ARMC2: variants seen among roughly 807,000 people sequenced by gnomAD.
The protein encoded by ARMC2 is armadillo repeat-containing protein 2.
In ARMC2, 67 loss-of-function variants were observed where a neutral mutation model predicts 90.3. The observed-to-expected ratio is 0.74, with a 90% confidence interval of 0.61 to 0.91. The LOEUF is 0.91. ARMC2 is among the 40% of genes least tolerant of loss of function. The pLI, the probability that ARMC2 is intolerant of heterozygous loss-of-function variation, is 0.00. For synonymous variants in ARMC2, 393 were observed against 393.0 expected (o/e 1.00, Z 0.00); for missense variants, 920 against 1,030.9 (o/e 0.89, Z 1.47).
the ARMC2 span, among the ~76,000 whole-genome samples, chr6:108,981,765 T>A: frequency 6.6e-6 from 1 of 152,038 alleles, no homozygotes; most frequent in Non-Finnish European, 1.5e-5. Flanking sequence ...CTTCCCGGGT[T>A]CAAGTGATTC....
At chr6:109,004,553 C>G in the ARMC2 span, among the ~76,000 whole-genome samples, 2 of 151,768 alleles carry the variant, frequency 1.3e-5, no homozygotes, top group Non-Finnish European at 2.9e-5. Context: ...TCTCCTGTCT[C>G]CCGAGTAGCT....
intron 3 of ARMC2, 145 bp downstream of exon 3, chr6:108,858,416 C>A (rs1774876440): frequency 2.1e-6 from 1 of 477,066 alleles, no homozygotes; most frequent in East Asian, 3.4e-5. Flanking sequence ...AAAACAGATT[C>A]TTTTATATTG....
chr6:108,884,823 G>A (rs1314646803), intron 5 of ARMC2, among the ~76,000 whole-genome samples: 5 of 152,202 alleles, frequency 3.3e-5, no homozygotes, highest in Admixed American at 3.3e-4. Context: ...TGGGACAAAG[G>A]AAGCCATTGG....
chr6:109,001,247 A>G, the ARMC2 span: 2 of 1,561,480 alleles, frequency 1.3e-6, no homozygotes, highest in Non-Finnish European at 1.8e-6. Flanking sequence ...AGAGATTAAT[A>G]AAAATAGGCA....
intron 10 of ARMC2, among the ~76,000 whole-genome samples, chr6:108,920,478 T>C (rs564813309): frequency 6.6e-6 from 1 of 152,240 alleles, no homozygotes; most frequent in South Asian, 2.1e-4. Context: ...GAGTAGGCAT[T>C]TGGGGCCCAG....
At chr6:109,031,961 A>T in the ARMC2 span, among the ~76,000 whole-genome samples, 4 of 152,308 alleles carry the variant, frequency 2.6e-5, no homozygotes, top group South Asian at 4.1e-4. Context: ...CCTTATACAC[A>T]TATCTTGAAG....
At chr6:108,963,570 AC>A (rs540931273) in intron 15 of ARMC2, among the ~76,000 whole-genome samples, 125 of 152,262 alleles carry the variant, frequency 8.2e-4, no homozygotes, top group Middle Eastern at 3.4e-3. Context: ...CTCTTCCCCA[AC>A]CCTTTGCTCA....
chr6:108,916,690 A>G (rs919834357), intron 10 of ARMC2, among the ~76,000 whole-genome samples: 1 of 152,172 alleles, frequency 6.6e-6, no homozygotes, highest in East Asian at 1.9e-4. Context: ...CACAGATGGA[A>G]AGAGGGACTT....
At chr6:108,968,327 A>G (rs1778517244) in intron 17 of ARMC2, among the ~76,000 whole-genome samples, 1 of 152,248 alleles carries the variant, frequency 6.6e-6, no homozygotes, top group South Asian at 2.1e-4. Context: ...CCGAAAACAA[A>G]CAACTAGCCT....
the ARMC2 span, chr6:108,988,684 A>G: frequency 2.2e-5 from 35 of 1,600,682 alleles, no homozygotes; most frequent in African/African-American, 2.7e-5. Flanking sequence ...CATAATCATC[A>G]TATCTGTTGA....
chr6:108,972,774 C>T (rs1778845533), intron 17 of ARMC2, among the ~76,000 whole-genome samples: 1 of 152,026 alleles, frequency 6.6e-6, no homozygotes, highest in African/African-American at 2.4e-5. Flanking sequence ...AGTGATTCTC[C>T]TGACCTCAGC....
the ARMC2 span, chr6:109,009,566 G>GGCGGCGCCGACAAACAAGCCGC: frequency 7.2e-6 from 8 of 1,108,884 alleles, no homozygotes; most frequent in Non-Finnish European, 8.8e-6. Flanking sequence ...GGGGGGGCGG[G>GGCGGCGCCGACAAACAAGCCGC]GCGGCGCCGA....
At chr6:108,994,589 C>T in the ARMC2 span, 1 of 1,611,942 alleles carries the variant, frequency 6.2e-7, no homozygotes, top group Non-Finnish European at 8.5e-7. Context: ...GGGCTTCAAC[C>T]TCAAAGAAAG....
At chr6:108,948,409 T>C (rs1230879400) in intron 12 of ARMC2, among the ~76,000 whole-genome samples, 2 of 151,894 alleles carry the variant, frequency 1.3e-5, no homozygotes, top group African/African-American at 2.4e-5. Context: ...CCTAGGTCCA[T>C]GTAGAATATA....
chr6:108,878,650 A>G (rs943369664), intron 5 of ARMC2, among the ~76,000 whole-genome samples: 6 of 152,358 alleles, frequency 3.9e-5, no homozygotes, highest in Admixed American at 2.0e-4. Context: ...ATCATTGTAA[A>G]CAATGCTTTA....
At chr6:108,984,943 C>T in the ARMC2 span, among the ~76,000 whole-genome samples, 2 of 152,248 alleles carry the variant, frequency 1.3e-5, no homozygotes, top group African/African-American at 4.8e-5. Context: ...TATTCTGGCC[C>T]ATATATTGTT....
rs766634707 is a variant in ARMC2, at chr6:108,928,102, G to A, written c.1365G>A (p.Leu455=). ...TTTTATCCTAGGTGACTGCTACATT[G>A]AGAAACTTGGTTGATTCATCATTAG... ...GHLLVQVTAT[L]RNLVDSSLVR... Residue 455 remains leucine (L), a synonymous_variant, in exon 11 of 18, where the codon TTG becomes TTA. Transcript: ENST00000392644. 2.6e-5 allele frequency: 41 copies of A among 1,604,118 alleles called. No homozygotes were observed. Among genetic ancestry groups the A allele is most frequent in the Non-Finnish European group, 2.5e-5 (29 of 1,177,248 alleles).
chr6:108,939,367 T>C (rs1398107854), intron 12 of ARMC2, among the ~76,000 whole-genome samples: 1 of 152,166 alleles, frequency 6.6e-6, no homozygotes, highest in Non-Finnish European at 1.5e-5. Context: ...GATTGGATCA[T>C]GGGCGGAGTT....
At chr6:108,938,314 C>T (rs888266404) in intron 12 of ARMC2, among the ~76,000 whole-genome samples, 2 of 152,012 alleles carry the variant, frequency 1.3e-5, no homozygotes, top group Non-Finnish European at 2.9e-5. Context: ...TATCTTTACC[C>T]AGCCAAAGAC....
Sources: gnomAD v4.1 joint callset for allele counts (sites outside exome capture counted in the v4.1 genomes callset) on GRCh38, gnomAD v4.1.1 for gene constraint, MANE v1.5 for transcripts, NCBI Gene and HGNC (gene_info 2026-07-23, HGNC 2026-07-21) for gene names.